Variants in ENTREP3 observed in about 807,000 individuals in gnomAD.
ENTREP3 encodes protein ENTREP3.
At chr1:155,251,709 C>A in the ENTREP3 span, 2 of 1,612,648 alleles carry the variant, frequency 1.2e-6, no homozygotes, top group Non-Finnish European at 1.7e-6. Context: ...TTAGCTCCCC[C>A]AGCAAGACCC....
chr1:155,254,361 G>A, the ENTREP3 span: 3 of 1,607,752 alleles, frequency 1.9e-6, no homozygotes, highest in African/African-American at 4.0e-5. The surrounding 1 kb of genome is among the most constrained non-coding windows in gnomAD (Gnocchi z 4.4). Context: ...TGCGTGCTGG[G>A]CACCTGCCTC....
chr1:155,247,653 A>G, the ENTREP3 span: 1 of 899,600 alleles, frequency 1.1e-6, no homozygotes, highest in East Asian at 2.6e-5. Flanking sequence ...TAGGAGGGAA[A>G]GGGACACTTT....
chr1:155,253,641 A>G, the ENTREP3 span: 1 of 1,613,430 alleles, frequency 6.2e-7, no homozygotes, highest in Non-Finnish European at 8.5e-7. Context: ...CACGAGGTCC[A>G]GGGAGAAGAT....
the ENTREP3 span, chr1:155,251,271 C>T: frequency 1.1e-6 from 1 of 947,428 alleles, no homozygotes; most frequent in South Asian, 1.7e-5. Flanking sequence ...TCCCTTTGTA[C>T]AAGTCACTTA....
chr1:155,254,578 A>G, the ENTREP3 span: 3 of 1,558,194 alleles, frequency 1.9e-6, no homozygotes, highest in Non-Finnish European at 2.6e-6. This position sits in a 1 kb window ranked among gnomAD's most constrained non-coding sequence, Gnocchi z 4.4. Flanking sequence ...AGAGGCAAGC[A>G]TGTGGACTTG....
chr1:155,255,305 A>G, the ENTREP3 span: 1 of 199,194 alleles, frequency 5.0e-6, no homozygotes, highest in Non-Finnish European at 1.0e-5. This position sits in a 1 kb window ranked among gnomAD's most constrained non-coding sequence, Gnocchi z 5.6. Flanking sequence ...GCGTGGGGTG[A>G]CTCTAGAGGC....
At chr1:155,252,672 A>ATTT in the ENTREP3 span, 3 of 98,692 alleles carry the variant, frequency 3.0e-5, no homozygotes, top group African/African-American at 1.3e-4. Flanking sequence ...GCCCAGCCTA[A>ATTT]TTTTTGTAAT....
At chr1:155,250,816 T>C in the ENTREP3 span, 6 of 1,601,278 alleles carry the variant, frequency 3.7e-6, no homozygotes, top group Non-Finnish European at 5.1e-6. This position sits in a 1 kb window ranked among gnomAD's most constrained non-coding sequence, Gnocchi z 5.4. Flanking sequence ...CCGCTGTCCA[T>C]GGACACTGTG....
chr1:155,253,761 A>G, the ENTREP3 span: 1 of 1,606,688 alleles, frequency 6.2e-7, no homozygotes, highest in Non-Finnish European at 8.5e-7. Context: ...GAGAGGAGTC[A>G]GGAGACGGCT....
chr1:155,250,130 T>G, the ENTREP3 span: 35 of 632,784 alleles, frequency 5.5e-5, no homozygotes, highest in East Asian at 9.5e-5. The surrounding 1 kb of genome is among the most constrained non-coding windows in gnomAD (Gnocchi z 5.4). Context: ...GGTGAGTACC[T>G]GAGAAGTGTC....
the ENTREP3 span, chr1:155,250,583 G>A: frequency 6.2e-7 from 1 of 1,604,244 alleles, no homozygotes; most frequent in Non-Finnish European, 8.5e-7. The surrounding 1 kb of genome is among the most constrained non-coding windows in gnomAD (Gnocchi z 5.4). Context: ...AGCAGGAATA[G>A]GAGCGGGCAG....
At chr1:155,254,412 T>C in the ENTREP3 span, 1 of 1,614,148 alleles carries the variant, frequency 6.2e-7, no homozygotes, top group Non-Finnish European at 8.5e-7. This position sits in a 1 kb window ranked among gnomAD's most constrained non-coding sequence, Gnocchi z 4.4. Flanking sequence ...CTAGAGTGAA[T>C]GGCCGCTTCC....
the ENTREP3 span, chr1:155,252,722 A>ATATAT: frequency 7.6e-5 from 1 of 13,208 alleles, no homozygotes; most frequent in Non-Finnish European, 1.2e-4. Context: ...ATATATATAT[A>ATATAT]TTTTTTTTTT....
chr1:155,253,365 C>A, the ENTREP3 span: 1 of 456,842 alleles, frequency 2.2e-6, no homozygotes. Context: ...TTGACTCTAC[C>A]CCACCATCCA....
At chr1:155,251,644 C>T in the ENTREP3 span, 1 of 1,602,888 alleles carries the variant, frequency 6.2e-7, no homozygotes, top group Non-Finnish European at 8.5e-7. Context: ...AAATAATTCC[C>T]CCTCCACAAA....
chr1:155,254,602 G>C, the ENTREP3 span: 1 of 1,583,076 alleles, frequency 6.3e-7, no homozygotes, highest in Non-Finnish European at 8.6e-7. The surrounding 1 kb of genome is among the most constrained non-coding windows in gnomAD (Gnocchi z 4.4). Flanking sequence ...CTGGTGTGGA[G>C]GGTGGGGCCC....
chr1:155,255,153 A>C, the ENTREP3 span: 1 of 560,852 alleles, frequency 1.8e-6, no homozygotes. This position sits in a 1 kb window ranked among gnomAD's most constrained non-coding sequence, Gnocchi z 5.6. Context: ...GCACCGGCTC[A>C]TCGCATCTCC....
chr1:155,250,910 A>AG, the ENTREP3 span: 1 of 1,378,818 alleles, frequency 7.3e-7, no homozygotes, highest in South Asian at 1.4e-5. The surrounding 1 kb of genome is among the most constrained non-coding windows in gnomAD (Gnocchi z 5.4). Flanking sequence ...CCCAGCCTCT[A>AG]GGGGCCACTG....
At chr1:155,254,579 T>A in the ENTREP3 span, 5 of 1,558,872 alleles carry the variant, frequency 3.2e-6, no homozygotes, top group Non-Finnish European at 4.4e-6. The surrounding 1 kb of genome is among the most constrained non-coding windows in gnomAD (Gnocchi z 4.4). Context: ...GAGGCAAGCA[T>A]GTGGACTTGC....
Sources: allele counts gnomAD v4.1 joint callset, GRCh38; gene constraint gnomAD v4.1.1; non-coding constraint Gnocchi (gnomAD v3.1); transcripts MANE v1.5; gene names NCBI Gene and HGNC (gene_info 2026-07-23, HGNC 2026-07-21).